PDGFC: variants seen among roughly 807,000 people sequenced by gnomAD.
PDGFC encodes the protein platelet derived growth factor C, also known as platelet-derived growth factor C.
A neutral mutation model predicts 35.5 loss-of-function variants in PDGFC; 12 were observed. The ratio of observed to expected loss-of-function variants is 0.34; its 90% CI spans 0.22 to 0.55. PDGFC has a LOEUF of 0.55. Ranked by LOEUF, PDGFC falls within the 20% of genes least tolerant of loss-of-function variation. PDGFC has a pLI of 0.91. For synonymous variants in PDGFC, 159 were observed against 148.8 expected, an observed-to-expected ratio of 1.07 and a Z score of -0.50; for missense variants, 322 against 412.4, an observed-to-expected ratio of 0.78 and a Z score of 1.90.
intron 2 of PDGFC, among the ~76,000 whole-genome samples, chr4:156,844,895 T>C (rs1306991127): frequency 6.6e-6 from 1 of 151,760 alleles, no homozygotes; most frequent in African/African-American, 2.4e-5. Flanking sequence ...ACAAAGAAAA[T>C]ATCAGAAAAG....
At chr4:156,835,392 T>C (rs141791494) in intron 2 of PDGFC, among the ~76,000 whole-genome samples, 26 of 152,294 alleles carry the variant, frequency 1.7e-4, no homozygotes, top group African/African-American at 5.5e-4. Flanking sequence ...CATACATAAG[T>C]CAACATTTTA....
intron 1 of PDGFC, among the ~76,000 whole-genome samples, chr4:156,885,099 C>T (rs955974935): frequency 6.6e-6 from 1 of 151,750 alleles, no homozygotes; most frequent in East Asian, 1.9e-4. Context: ...AATGTCGTAA[C>T]CTAGGCAGAA....
chr4:156,869,696 T>G (rs2111138774), intron 1 of PDGFC, among the ~76,000 whole-genome samples: 1 of 152,314 alleles, frequency 6.6e-6, no homozygotes, highest in East Asian at 1.9e-4. Flanking sequence ...TGAATACTGA[T>G]AATTTCATAC....
At chr4:156,849,343 T>C (rs1200631461) in intron 2 of PDGFC, among the ~76,000 whole-genome samples, 2 of 152,104 alleles carry the variant, frequency 1.3e-5, no homozygotes, top group Admixed American at 1.3e-4. Flanking sequence ...ATAAAAACTG[T>C]GATGACAGCA....
chr4:156,927,076 GT>G (rs1247066966), intron 1 of PDGFC, among the ~76,000 whole-genome samples: 3 of 152,216 alleles, frequency 2.0e-5, no homozygotes, highest in African/African-American at 4.8e-5. Flanking sequence ...AAGCTGCAAG[GT>G]TTAGGGACTG....
intron 1 of PDGFC, among the ~76,000 whole-genome samples, chr4:156,916,385 G>A (rs1050299816): frequency 2.1e-4 from 32 of 152,034 alleles, no homozygotes; most frequent in African/African-American, 7.2e-4. Context: ...TCTTCATACT[G>A]AGCATCTCTC....
intron 1 of PDGFC, among the ~76,000 whole-genome samples, chr4:156,916,830 T>TA (rs1447908617): frequency 6.6e-6 from 1 of 152,134 alleles, no homozygotes; most frequent in Non-Finnish European, 1.5e-5. Flanking sequence ...GGCCAAAAGA[T>TA]AAAAAACAGC....
chr4:156,930,419 T>A (rs1469558362), intron 1 of PDGFC, among the ~76,000 whole-genome samples: 2 of 152,202 alleles, frequency 1.3e-5, no homozygotes, highest in South Asian at 2.1e-4. Flanking sequence ...AATATCACAT[T>A]TTTTGGCGGG....
chr4:156,844,515 T>A (rs1208735708), intron 2 of PDGFC, among the ~76,000 whole-genome samples: 2 of 152,050 alleles, frequency 1.3e-5, no homozygotes, highest in East Asian at 3.9e-4. Context: ...TTCTTTGGAA[T>A]TTTTTTAATG....
At chr4:156,919,626 G>A (rs974007671) in intron 1 of PDGFC, among the ~76,000 whole-genome samples, 3 of 152,258 alleles carry the variant, frequency 2.0e-5, no homozygotes, top group African/African-American at 4.8e-5. Context: ...GGCTCACCTA[G>A]ATGTCCTTAG....
At chr4:156,905,940 C>T (rs1443599731) in intron 1 of PDGFC, among the ~76,000 whole-genome samples, 2 of 151,586 alleles carry the variant, frequency 1.3e-5, no homozygotes, top group African/African-American at 4.9e-5. Flanking sequence ...TGCTTACAAG[C>T]CTGTTATGTA....
intron 2 of PDGFC, among the ~76,000 whole-genome samples, chr4:156,818,067 A>C (rs1375178496): frequency 6.7e-6 from 1 of 149,054 alleles, no homozygotes; most frequent in African/African-American, 2.5e-5. Flanking sequence ...CTTAAAAAAA[A>C]AAAAAAATTC....
chr4:156,857,849 T>A (rs138350546), intron 1 of PDGFC, among the ~76,000 whole-genome samples: 1 of 152,158 alleles, frequency 6.6e-6, no homozygotes, highest in Non-Finnish European at 1.5e-5. Flanking sequence ...TCATAATGGA[T>A]TCTAGCCTAA....
intron 3 of PDGFC, among the ~76,000 whole-genome samples, chr4:156,780,427 A>C (rs1730946760): frequency 6.6e-6 from 1 of 152,200 alleles, no homozygotes; most frequent in African/African-American, 2.4e-5. Context: ...ACTTTCTTAC[A>C]GAAATTTATC....
At chr4:156,852,587 A>G (rs778090586) in intron 1 of PDGFC, among the ~76,000 whole-genome samples, 5 of 152,080 alleles carry the variant, frequency 3.3e-5, no homozygotes, top group Non-Finnish European at 7.4e-5. Context: ...ATGATCTCCA[A>G]TTGTCCCTCA....
chr4:156,859,156 C>A (rs927362077), intron 1 of PDGFC, among the ~76,000 whole-genome samples: 2 of 151,784 alleles, frequency 1.3e-5, no homozygotes, highest in African/African-American at 2.4e-5. Flanking sequence ...CTGAATTGAG[C>A]AAAACAAATG....
At chr4:156,804,554 TC>T (rs1731705673) in intron 3 of PDGFC, among the ~76,000 whole-genome samples, 1 of 151,918 alleles carries the variant, frequency 6.6e-6, no homozygotes, top group African/African-American at 2.4e-5. Flanking sequence ...TCAAAATCTT[TC>T]CAAACCACTC....
chr4:156,798,315 G>C (rs1400423990), intron 3 of PDGFC, among the ~76,000 whole-genome samples: 1 of 152,138 alleles, frequency 6.6e-6, no homozygotes, highest in African/African-American at 2.4e-5. Context: ...CAACAGCAAG[G>C]TCTAAGATCA....
At chr4:156,918,682 G>A (rs1223369692) in intron 1 of PDGFC, among the ~76,000 whole-genome samples, 1 of 152,180 alleles carries the variant, frequency 6.6e-6, no homozygotes, top group Admixed American at 6.5e-5. Flanking sequence ...ATGATCTGAG[G>A]TGGAACAGTT....
Sources: allele counts gnomAD v4.1 joint callset (sites outside exome capture counted in the v4.1 genomes callset), GRCh38; gene constraint gnomAD v4.1.1; transcripts MANE v1.5; gene names NCBI Gene and HGNC (gene_info 2026-07-23, HGNC 2026-07-21).